UGGT1: variants seen among roughly 807,000 people sequenced by gnomAD.
UGGT1 encodes the protein UDP-glucose:glycoprotein glucosyltransferase 1.
UGGT1 carries 107 observed loss-of-function variants against 203.9 expected under a neutral mutation model. The observed-to-expected ratio is 0.52, with a 90% CI of 0.45 to 0.62. The LOEUF (loss-of-function observed/expected upper bound fraction) is 0.62, where lower values mean the gene tolerates loss of function less well. Among genes scored for constraint, UGGT1 ranks in the 20% least tolerant of loss-of-function variants. The pLI is 0.00. For missense variants in UGGT1, 1,673 were observed against 1,867.2 expected (o/e 0.90, Z 1.92); for synonymous variants, 628 against 653.5 (o/e 0.96, Z 0.59).
rs538390479 is a variant in UGGT1 at position 128,145,501 on chromosome 2, A to AAC, written c.1852-280_1852-279dup. ...ACAGCCTGTGCTACACACACACACA[A>AAC]ACACACACACACACACACACACATA... is the stretch of plus-strand genomic sequence containing the variant. On this transcript the variant is annotated intron_variant, in intron 17 of 40. Transcript: ENST00000259253. 7.7e-3 allele frequency among the ~76,000 whole-genome samples: 807 copies of AAC among 104,922 alleles called. 3 individuals carry two copies. Among genetic ancestry groups the AAC allele is most frequent in the Middle Eastern group, 0.025 (5 of 202 alleles). The allele number at this position is 104,922 out of a possible 152,430, so 68.8% of individuals were successfully genotyped here.
At chr2:128,134,348 C>G (rs1398255021) in intron 14 of UGGT1, among the ~76,000 whole-genome samples, 5 of 152,176 alleles carry the variant, frequency 3.3e-5, no homozygotes, top group Admixed American at 6.6e-5. Context: ...TTTTCTGTCT[C>G]TTGAAACCAC....
At position 128,179,859 on chromosome 2, in the gene UGGT1, C is replaced by G. The variant is rs1354595986; in HGVS notation, c.3889C>G (p.Pro1297Ala). 1 of 1,613,224 alleles carries G rather than the reference C, an allele frequency of 6.2e-7. No individual in the cohort carries two copies. The highest frequency in any genetic ancestry group is 8.5e-7 in the Non-Finnish European group (1 of 1,179,430). The part of the protein sequence containing the change: ...KFWFLKNYLS[P>A]TFKEFIPYMA... ...CTGGTTCTTGAAGAATTACTTGTCCCCCACATTTAAGGTTTGTTTCACAGA... is the reference window on the plus strand; with the variant it reads ...CTGGTTCTTGAAGAATTACTTGTCCGCCACATTTAAGGTTTGTTTCACAGA... The change falls in exon 35 of 41, where the codon CCC becomes GCC. Residue 1297 changes from proline (P) to alanine (A), a missense_variant. This residue lies in a region of UGGT1 where 513 missense variants were observed against 684.1 expected (regional missense o/e 0.75). Coordinates refer to ENST00000259253, the MANE Select transcript of UGGT1 (RefSeq NM_020120.4).
chr2:128,170,433 G>A, intron 27 of UGGT1, 43 bp downstream of exon 27: 3 of 1,551,652 alleles, frequency 1.9e-6, no homozygotes, highest in Non-Finnish European at 2.7e-6. Context: ...TTTGTTTGAA[G>A]TTGTCACATG....
intron 31 of UGGT1, among the ~76,000 whole-genome samples, chr2:128,176,527 C>T (rs1691398139): frequency 1.3e-5 from 2 of 151,906 alleles, no homozygotes; most frequent in African/African-American, 4.8e-5. Flanking sequence ...CTTGTGAACA[C>T]AGGCGGTTGT....
intron 2 of UGGT1, among the ~76,000 whole-genome samples, chr2:128,101,829 C>T (rs906436123): frequency 6.6e-6 from 1 of 152,186 alleles, no homozygotes; most frequent in Admixed American, 6.5e-5. Context: ...AGAAGGAAGA[C>T]CAATGCTGAT....
intron 17 of UGGT1, 83 bp from the exon 18 acceptor site, chr2:128,145,720 A>T: frequency 8.3e-7 from 1 of 1,201,190 alleles, no homozygotes; most frequent in African/African-American, 1.6e-5. Context: ...TTGTTAGAAC[A>T]GGCATGTAAG....
rs184705037 is a variant in UGGT1 at position 128,097,116 on chromosome 2, C to G, written c.59-313C>G. On this transcript the variant is annotated intron_variant, in intron 1 of 40. Coordinates refer to ENST00000259253, the MANE Select transcript of UGGT1 (RefSeq NM_020120.4). ...AGCAGGCCAGGCATGGTGGCTCATG[C>G]CTGTAATCCCAACACTTTGGGAGGC... Among the ~76,000 whole-genome samples the G allele has an allele frequency of 8.3e-4, 126 of 152,310 alleles. No individual in the cohort carries two copies. The East Asian group carries it at 0.019, about 23-fold the overall frequency.
At chr2:128,165,880 A>G (rs899510753) in intron 26 of UGGT1, among the ~76,000 whole-genome samples, 1 of 151,696 alleles carries the variant, frequency 6.6e-6, no homozygotes, top group African/African-American at 2.4e-5. Context: ...TCCTACCTCA[A>G]CCTCCTGTGT....
In UGGT1 at chr2:128,190,670, G is replaced by T. The variant is rs1279473919; in HGVS notation, c.*928G>T. 1.3e-5 allele frequency: 2 copies of T among 152,236 alleles called. No homozygotes were observed. The highest frequency in any genetic ancestry group is 2.9e-5 in the Non-Finnish European group (2 of 68,108). The allele number at this position is 152,236 out of a possible 1,614,324, so 9.4% of individuals were successfully genotyped here. On this transcript the variant is annotated 3_prime_UTR_variant, in exon 41 of 41. Transcript: ENST00000259253. The stretch of plus-strand genomic sequence containing the variant: ...CCCCTCTCGCATCCAGCCCGTCAGG[G>T]TCAGGGTCAGGGTCAGGCTCCCTCA...
At chr2:128,161,060 C>G (rs554541494) in intron 24 of UGGT1, 78 bp from the exon 25 acceptor site, 1 of 1,559,818 alleles carries the variant, frequency 6.4e-7, no homozygotes, top group Non-Finnish European at 8.7e-7. Flanking sequence ...AGCCTGAGGA[C>G]GCCAGAGGGT....
chr2:128,109,302 C>G (rs935002829), intron 4 of UGGT1, among the ~76,000 whole-genome samples: 2 of 152,214 alleles, frequency 1.3e-5, no homozygotes, highest in African/African-American at 4.8e-5. Flanking sequence ...TTTTCAGGCT[C>G]AAGCAATCCT....
At chr2:128,155,107 C>T (rs903336543) in intron 19 of UGGT1, among the ~76,000 whole-genome samples, 25 of 152,196 alleles carry the variant, frequency 1.6e-4, no homozygotes, top group African/African-American at 6.0e-4. Flanking sequence ...TTTACCCCTG[C>T]TTCCTCTGTA....
At chr2:128,106,823 T>C (rs1277671493) in intron 3 of UGGT1, among the ~76,000 whole-genome samples, 1 of 152,200 alleles carries the variant, frequency 6.6e-6, no homozygotes, top group African/African-American at 2.4e-5. Context: ...GTGCTGGGAT[T>C]ACAGGCATGA....
Position 128,139,373 on chromosome 2 carries a change from C to T in UGGT1, c.1719+521C>T, listed in dbSNP as rs1689297017. Among the ~76,000 whole-genome samples, 4 of 152,302 alleles carry T rather than the reference C, an allele frequency of 2.6e-5. No individual in the cohort carries two copies. The South Asian group carries it at 6.2e-4, about 24-fold the overall frequency. On this transcript the variant is annotated intron_variant, in intron 16 of 40. Transcript: ENST00000259253. Reference sequence around the variant, plus strand: ...AGCTGGGATTACGGCCGTGCACCACCATGCCCAGAGAATATTTTAACTCTG... The same window carrying T: ...AGCTGGGATTACGGCCGTGCACCACTATGCCCAGAGAATATTTTAACTCTG...
chr2:128,143,328 T>G (rs1475028264), intron 17 of UGGT1, 103 bp downstream of exon 17: 2 of 1,292,780 alleles, frequency 1.5e-6, no homozygotes, highest in Non-Finnish European at 2.1e-6. Flanking sequence ...GTTAAAGTGT[T>G]TCAGTACTTA....
intron 7 of UGGT1, 131 bp from the exon 8 acceptor site, chr2:128,116,134 T>C (rs962227905): frequency 8.8e-6 from 5 of 568,008 alleles, no homozygotes; most frequent in Non-Finnish European, 1.5e-5. Context: ...GTCAGCATTT[T>C]AAATGGTATA....
chr2:128,120,568 C>T (rs147416497), intron 9 of UGGT1, 112 bp downstream of exon 9: 1 of 802,196 alleles, frequency 1.2e-6, no homozygotes, highest in East Asian at 2.5e-5. Context: ...GAAGGTGCCT[C>T]AGATTTTAAA....
At chr2:128,142,685 T>C (rs1439490152) in intron 16 of UGGT1, among the ~76,000 whole-genome samples, 1 of 149,104 alleles carries the variant, frequency 6.7e-6, no homozygotes, top group Non-Finnish European at 1.5e-5. Context: ...AATTTGACCT[T>C]TCAAGAAAAG....
Position 128,173,900 on chromosome 2 carries a change from C to G in UGGT1, c.3414C>G (p.Ala1138=), listed in dbSNP as rs369137360. The G allele has an allele frequency of 7.6e-5, 123 of 1,614,186 alleles. 1 individual carries two copies. In the South Asian group the frequency reaches 1.2e-3, roughly 16 times the overall value. ...TACAGTTTACCTTAGGAACTTCAGC[C>G]AACCCGGTCATTGTGGACACCATTG... ...RGLQFTLGTS[A]NPVIVDTIVM... The change falls in exon 30 of 41, where the codon GCC becomes GCG. Residue 1138 remains alanine (A), a synonymous_variant. Coordinates refer to ENST00000259253, the MANE Select transcript of UGGT1 (RefSeq NM_020120.4).
Sources: gnomAD v4.1 joint callset for allele counts (sites outside exome capture counted in the v4.1 genomes callset) on GRCh38, gnomAD v4.1.1 for gene constraint, gnomAD v4.1.1 regional missense constraint, MANE v1.5 for transcripts, NCBI Gene and HGNC (gene_info 2026-07-23, HGNC 2026-07-21) for gene names.